Variants in TRPM2 observed in about 807,000 individuals in gnomAD.
The protein encoded by TRPM2 is estrogen-responsive element-associated gene 1 protein.
TRPM2 carries 161 observed loss-of-function variants against 174.0 expected under a neutral mutation model. The observed-to-expected ratio is 0.93, with a 90% CI of 0.81 to 1.05. TRPM2 has a LOEUF of 1.05. Ranked by LOEUF, TRPM2 falls within the 50% of genes least tolerant of loss-of-function variation. The pLI, the probability that TRPM2 is intolerant of heterozygous loss-of-function variation, is 0.00. For synonymous variants in TRPM2, 954 were observed against 861.3 expected, an observed-to-expected ratio of 1.11 and a Z score of -1.88; for missense variants, 2,057 against 2,038.0, an observed-to-expected ratio of 1.01 and a Z score of -0.18.
upstream of TRPM2, among the ~76,000 whole-genome samples, chr21:44,350,747 C>T (rs2122996277): frequency 4.6e-5 from 7 of 151,852 alleles, no homozygotes; most frequent in Non-Finnish European, 7.4e-5. Flanking sequence ...ACTGGAGCAC[C>T]CAGTGTGCGC....
intron 7 of TRPM2, among the ~76,000 whole-genome samples, 164 bp from the exon 8 acceptor site, chr21:44,378,833 C>T (rs899485040): frequency 1.3e-5 from 2 of 152,208 alleles, no homozygotes; most frequent in African/African-American, 2.4e-5. Flanking sequence ...GCTCCCTCTT[C>T]CCCCAGAGCA....
intron 19 of TRPM2, among the ~76,000 whole-genome samples, chr21:44,407,065 C>G (rs2049916740): frequency 6.7e-6 from 1 of 148,230 alleles, no homozygotes; most frequent in East Asian, 2.0e-4. Context: ...GAATGTCACC[C>G]TGTATCCCCT....
intron 17 of TRPM2, 78 bp from the exon 18 acceptor site, chr21:44,405,827 G>A: frequency 1.9e-6 from 3 of 1,544,112 alleles, no homozygotes; most frequent in Non-Finnish European, 2.6e-6. Flanking sequence ...TAGGACAGGT[G>A]GAGGGGCGAC....
At chr21:44,407,049 G>C (rs559560500) in intron 19 of TRPM2, among the ~76,000 whole-genome samples, 2 of 149,254 alleles carry the variant, frequency 1.3e-5, no homozygotes, top group African/African-American at 4.9e-5. Context: ...ACAGCCCCCT[G>C]AAATGGAATG....
chr21:44,378,988 G>A lies in TRPM2; in HGVS notation c.1015-9G>A. ...CAGTCCCGGGCTCACACCCCCACCT[G>A]CCTTGCAGACCATCGACAACGCCAC... On this transcript the variant is annotated splice_polypyrimidine_tract_variant and intron_variant, in intron 7 of 31. Coordinates refer to ENST00000397928, the MANE Select transcript of TRPM2 (RefSeq NM_003307.4). 1 of 1,602,160 alleles carries A rather than the reference G, an allele frequency of 6.2e-7. No homozygotes were observed. The highest frequency in any genetic ancestry group is 8.5e-7 in the Non-Finnish European group (1 of 1,179,154).
rs761435724 is a variant in TRPM2 at position 44,400,298 on chromosome 21, G to A, written c.2248G>A (p.Asp750Asn). 2 of 1,612,924 alleles carry A rather than the reference G, an allele frequency of 1.2e-6. No homozygotes were observed. The highest frequency in any genetic ancestry group is 1.7e-6 in the Non-Finnish European group (2 of 1,179,898). ...GGTGTGGTGGGGCCAGCTCTCCGTG[G>A]ACAATGGGCTGTGGCGTGTGACCCT... The part of the protein sequence containing the change: ...TKVWWGQLSV[D>N]NGLWRVTLCM... Residue 750 changes from aspartate (D) to asparagine (N), a missense_variant, in exon 15 of 32, where the codon GAC (aspartate) becomes AAC (asparagine). By Grantham distance (23) the Asp-to-Asn change is conservative. Coordinates refer to ENST00000397928, the MANE Select transcript of TRPM2 (RefSeq NM_003307.4).
At chr21:44,384,512 C>T (rs1376423479) in intron 9 of TRPM2, among the ~76,000 whole-genome samples, 1 of 152,192 alleles carries the variant, frequency 6.6e-6, no homozygotes, top group Non-Finnish European at 1.5e-5. Flanking sequence ...GGGAGCTAAA[C>T]TTGCTTTTTA....
intron 19 of TRPM2, among the ~76,000 whole-genome samples, chr21:44,412,891 A>G (rs2050149219): frequency 6.6e-6 from 1 of 152,114 alleles, no homozygotes; most frequent in Non-Finnish European, 1.5e-5. Context: ...AAAATTAGTA[A>G]CACATTCAAA....
intron 25 of TRPM2, 43 bp downstream of exon 25, chr21:44,425,870 C>A: frequency 6.7e-7 from 1 of 1,491,036 alleles, no homozygotes; most frequent in Admixed American, 2.2e-5. Context: ...TGGCCGGGCC[C>A]CTGGGGAGGG....
chr21:44,351,159 G>C (rs1036212261), upstream of TRPM2, among the ~76,000 whole-genome samples: 9 of 152,240 alleles, frequency 5.9e-5, no homozygotes, highest in Admixed American at 4.6e-4. Context: ...TGGGCTGGCT[G>C]GGGGCGGGTG....
Position 44,439,211 on chromosome 21 carries a change from G to C in TRPM2, c.4269+43G>C. ...GCTCTGTTCCACCTGTGTGTCCCCA[G>C]GGCTGCAGGACAAACACAGTGTGAT... is the stretch of plus-strand genomic sequence containing the variant. On this transcript the variant is annotated intron_variant, in intron 30 of 31. Transcript: ENST00000397928. This position sits in a 1 kb window ranked among gnomAD's most constrained non-coding sequence, Gnocchi z 5.1. 1 of 1,569,952 alleles carries C rather than the reference G, an allele frequency of 6.4e-7. No homozygotes were observed. The highest frequency in any genetic ancestry group is 8.8e-7 in the Non-Finnish European group (1 of 1,141,930).
At chr21:44,417,613 G>T (rs1427604871) in intron 20 of TRPM2, among the ~76,000 whole-genome samples, 81 of 99,896 alleles carry the variant, frequency 8.1e-4, no homozygotes, top group African/African-American at 2.7e-3. Context: ...CATCACAGTG[G>T]GCACGTGGGC....
intron 5 of TRPM2, among the ~76,000 whole-genome samples, chr21:44,370,479 C>T (rs892330974): frequency 2.6e-5 from 4 of 152,224 alleles, no homozygotes; most frequent in Non-Finnish European, 4.4e-5. Context: ...TCCAAGGACA[C>T]ACTAACTTTG....
chr21:44,380,512 C>A (rs1602173359), intron 8 of TRPM2, among the ~76,000 whole-genome samples: 1 of 152,240 alleles, frequency 6.6e-6, no homozygotes, highest in African/African-American at 2.4e-5. Context: ...TTTTAATGCA[C>A]TCTCCATAGC....
chr21:44,415,205 C>G (rs559072756), intron 20 of TRPM2: 10 of 151,190 alleles, frequency 6.6e-5, no homozygotes, highest in African/African-American at 2.4e-4. Flanking sequence ...TCCTCTGGGC[C>G]TGGTGTTTGT....
At chr21:44,434,413 G>A (rs373012224) in intron 27 of TRPM2, among the ~76,000 whole-genome samples, 4 of 151,822 alleles carry the variant, frequency 2.6e-5, no homozygotes, top group Admixed American at 1.3e-4. Flanking sequence ...TGGCGGGGAC[G>A]GTGGCAGGGA....
chr21:44,380,916 TGAG>T (rs1383853931), intron 8 of TRPM2, among the ~76,000 whole-genome samples: 1 of 152,092 alleles, frequency 6.6e-6, no homozygotes, highest in Non-Finnish European at 1.5e-5. Flanking sequence ...CTTCACCCTA[TGAG>T]GACAGGGCGG....
rs141148412 is a variant in TRPM2, at chr21:44,367,807, G to A, written c.604+873G>A. 3.7e-3 allele frequency among the ~76,000 whole-genome samples: 563 copies of A among 152,344 alleles called. 3 individuals carry two copies. Among genetic ancestry groups the A allele is most frequent in the African/African-American group, 0.013 (544 of 41,570 alleles). On this transcript the variant is annotated intron_variant, in intron 4 of 31. Transcript: ENST00000397928. The surrounding 1 kb of genome is among the most constrained non-coding windows in gnomAD (Gnocchi z 4.6). ...GAGTCCTCAGTTTCATTGTCTGCCT[G>A]GTGAGCGTGAGGCACGGCTGCATCT... is the stretch of plus-strand genomic sequence containing the variant.
intron 27 of TRPM2, among the ~76,000 whole-genome samples, chr21:44,427,536 T>C (rs1284353653): frequency 6.6e-6 from 1 of 152,090 alleles, no homozygotes; most frequent in African/African-American, 2.4e-5. Context: ...GCTGCACCCA[T>C]CACACAGGTG....
Sources: allele counts gnomAD v4.1 joint callset (sites outside exome capture counted in the v4.1 genomes callset), GRCh38; gene constraint gnomAD v4.1.1; non-coding constraint Gnocchi (gnomAD v3.1); transcripts MANE v1.5; gene names NCBI Gene and HGNC (gene_info 2026-07-23, HGNC 2026-07-21).